Variants in NF1 observed in about 807,000 individuals in gnomAD.
NF1 encodes the protein neurofibromin 1, also known as neurofibromin.
NF1 carries 122 observed loss-of-function variants against 325.7 expected under a neutral mutation model. That is an observed-to-expected ratio of 0.37 (90% CI 0.32 to 0.44). The LOEUF (loss-of-function observed/expected upper bound fraction) is 0.44, where lower values mean the gene tolerates loss of function less well. Among genes scored for constraint, NF1 ranks in the 20% least tolerant of loss-of-function variants. NF1 has a pLI of 1.00. For synonymous variants in NF1, 1,091 were observed against 1,186.0 expected (o/e 0.92, Z 1.65); for missense variants, 2,140 against 3,415.4 (o/e 0.63, Z 9.31).
chr17:31,295,163 A>G (rs924956458), intron 36 of NF1: 2 of 1,614,086 alleles, frequency 1.2e-6, no homozygotes, highest in Middle Eastern at 1.6e-4. Context: ...CATTTCAGAG[A>G]AATTATTTGG....
intron 15 of NF1, chr17:31,222,356 A>G: frequency 1.9e-6 from 2 of 1,037,890 alleles, no homozygotes; most frequent in Non-Finnish European, 2.3e-6. Flanking sequence ...TGAATTAATA[A>G]TGGACACCTG....
intron 1 of NF1, among the ~76,000 whole-genome samples, chr17:31,124,432 C>T: frequency 6.6e-6 from 1 of 150,700 alleles, no homozygotes; most frequent in Non-Finnish European, 1.5e-5. Flanking sequence ...TAAGTTAACT[C>T]ATTTTAACTG....
chr17:31,374,441 A>G lies in NF1; in HGVS notation c.*286A>G, dbSNP rs933222652. ...TGGGAGGTCAGGAAACTTTTAACTG[A>G]GAAATCTCAATTGTAAGAGAGGATG... On this transcript the variant is annotated 3_prime_UTR_variant, in exon 58 of 58. Coordinates refer to ENST00000358273, the MANE Select transcript of NF1 (RefSeq NM_001042492.3). The G allele has an allele frequency of 8.2e-6, 4 of 485,776 alleles. No homozygotes were observed. The highest frequency in any genetic ancestry group is 7.7e-5 in the African/African-American group (4 of 51,914). 30.1% of individuals were successfully genotyped at this position (485,776 alleles called of 1,614,324 possible). A position where few individuals can be genotyped will look rare whatever the true frequency, so the allele number is the denominator to read the frequency against.
At chr17:31,354,045 A>G (rs773094963) in intron 51 of NF1, among the ~76,000 whole-genome samples, 5 of 152,228 alleles carry the variant, frequency 3.3e-5, no homozygotes, top group Non-Finnish European at 7.3e-5. Flanking sequence ...TTTCATGCCA[A>G]TGAAGTTGTA....
intron 47 of NF1, among the ~76,000 whole-genome samples, chr17:31,342,610 G>A (rs191427768): frequency 6.6e-6 from 1 of 152,228 alleles, no homozygotes; most frequent in Admixed American, 6.5e-5. Context: ...TTTGCAAATG[G>A]AGCATTGCAA....
At chr17:31,156,307 AT>A (rs1383887813) in intron 2 of NF1, among the ~76,000 whole-genome samples, 181 bp downstream of exon 2, 2 of 152,190 alleles carry the variant, frequency 1.3e-5, no homozygotes, top group Non-Finnish European at 2.9e-5. Flanking sequence ...CAAATTTTTA[AT>A]CAGCTGGGTT....
In NF1 at chr17:31,235,972, A is replaced by G. The variant is rs1350012235; in HGVS notation, c.3925A>G (p.Ile1309Val). The change falls in exon 29 of 58, where the codon ATC becomes GTC. Residue 1309 changes from isoleucine (I) to valine (V), a missense_variant. Transcript: ENST00000358273. ...KLLDPLLRIV[I>V]TSSDWQHVSF... ...CCTGGATCCTTTATTACGAATTGTG[A>G]TCACATCCTCTGATTGGCAACATGT... 6.2e-7 allele frequency: 1 copy of G among 1,613,992 alleles called. No individual in the cohort carries two copies. Among genetic ancestry groups the G allele is most frequent in the Non-Finnish European group, 8.5e-7 (1 of 1,179,988 alleles).
chr17:31,172,897 G>A (rs973653139), intron 5 of NF1, among the ~76,000 whole-genome samples: 5 of 152,148 alleles, frequency 3.3e-5, no homozygotes, highest in African/African-American at 1.2e-4. Context: ...ACTTGGTTAT[G>A]CAGTAATATA....
chr17:31,242,305 CTTTTTTT>C lies in NF1; in HGVS notation c.3974+6305_3974+6311del, dbSNP rs200376987. On this transcript the variant is annotated intron_variant, in intron 29 of 57. Coordinates refer to ENST00000358273, the MANE Select transcript of NF1 (RefSeq NM_001042492.3). Reference sequence around the variant, plus strand: ...TCTTTCCCTAGGTTTCATAAGTTCTCTTTTTTTTTTTTTTTTTTTTTTTTTTTGAGAT... The same window carrying C: ...TCTTTCCCTAGGTTTCATAAGTTCTCTTTTTTTTTTTTTTTTTTTTGAGAT... 1.0e-3 allele frequency among the ~76,000 whole-genome samples: 69 copies of C among 68,856 alleles called. 1 individual carries two copies. The highest frequency in any genetic ancestry group is 3.2e-3 in the African/African-American group (51 of 16,004). The allele number at this position is 68,856 out of a possible 152,430, so 45.2% of individuals were successfully genotyped here. A position where few individuals can be genotyped will look rare whatever the true frequency, so the allele number is the denominator to read the frequency against.
At chr17:31,339,916 G>A (rs1407932535) in intron 46 of NF1, among the ~76,000 whole-genome samples, 1 of 152,212 alleles carries the variant, frequency 6.6e-6, no homozygotes, top group African/African-American at 2.4e-5. Flanking sequence ...CAGGACAATG[G>A]AGGGAAGGTG....
chr17:31,190,489 G>T (rs919371049), intron 8 of NF1, among the ~76,000 whole-genome samples: 1 of 152,158 alleles, frequency 6.6e-6, no homozygotes, highest in African/African-American at 2.4e-5. Flanking sequence ...TATTTTAGCT[G>T]TTCCTCAAAA....
intron 14 of NF1, among the ~76,000 whole-genome samples, chr17:31,221,562 A>G (rs2066920876): frequency 6.6e-6 from 1 of 152,140 alleles, no homozygotes; most frequent in African/African-American, 2.4e-5. Context: ...TGTTTCTTAA[A>G]GCAGTTTTTA....
At chr17:31,111,342 G>C (rs1913397719) in intron 1 of NF1, among the ~76,000 whole-genome samples, 1 of 152,036 alleles carries the variant, frequency 6.6e-6, no homozygotes, top group African/African-American at 2.4e-5. Context: ...TACTTGAAGA[G>C]GTAATGATAA....
intron 3 of NF1, among the ~76,000 whole-genome samples, chr17:31,160,955 C>G (rs1458281779): frequency 6.6e-6 from 1 of 152,120 alleles, no homozygotes; most frequent in Non-Finnish European, 1.5e-5. Context: ...ATTAAATTTA[C>G]TATTTAAAAA....
At chr17:31,101,982 G>A (rs547011865) in intron 1 of NF1, among the ~76,000 whole-genome samples, 1 of 152,116 alleles carries the variant, frequency 6.6e-6, no homozygotes, top group Non-Finnish European at 1.5e-5. Context: ...AACATTGATG[G>A]AATGTTTTTC....
intron 1 of NF1, chr17:31,136,383 CACA>C (rs1915783947): frequency 6.6e-6 from 1 of 152,032 alleles, no homozygotes; most frequent in Admixed American, 6.6e-5. Context: ...CCGCTCCCCC[CACA>C]ACCACTTATC....
chr17:31,184,242 G>A (rs916476910), intron 8 of NF1, among the ~76,000 whole-genome samples: 5 of 152,308 alleles, frequency 3.3e-5, no homozygotes, highest in African/African-American at 1.2e-4. Context: ...CCGCTAATGA[G>A]AGGCAAGGAG....
At chr17:31,343,818 C>T (rs545464428) in intron 48 of NF1, among the ~76,000 whole-genome samples, 6 of 151,864 alleles carry the variant, frequency 4.0e-5, no homozygotes, top group African/African-American at 7.2e-5. Flanking sequence ...TAGCCAGGTG[C>T]GGTGGCACAT....
At chr17:31,108,496 G>A (rs998967761) in intron 1 of NF1, among the ~76,000 whole-genome samples, 5 of 151,764 alleles carry the variant, frequency 3.3e-5, no homozygotes, top group East Asian at 1.9e-4. Flanking sequence ...GGTTGGTCTC[G>A]AACTCCTGAC....
Sources: gnomAD v4.1 joint callset for allele counts (sites outside exome capture counted in the v4.1 genomes callset) on GRCh38, gnomAD v4.1.1 for gene constraint, MANE v1.5 for transcripts, NCBI Gene and HGNC (gene_info 2026-07-23, HGNC 2026-07-21) for gene names.